Variants in LAMC2 observed in about 807,000 individuals in gnomAD.
LAMC2 encodes the protein laminin subunit gamma 2, also known as laminin subunit gamma-2.
LAMC2 carries 97 observed loss-of-function variants against 140.2 expected under a neutral mutation model. That is an observed-to-expected ratio of 0.69 (90% CI 0.59 to 0.82). The LOEUF is 0.82. Ranked by LOEUF, LAMC2 falls within the 40% of genes least tolerant of loss-of-function variation. LAMC2 has a pLI of 0.00. For synonymous variants in LAMC2, 513 were observed against 540.2 expected (o/e 0.95, Z 0.70); for missense variants, 1,402 against 1,476.1 (o/e 0.95, Z 0.82).
chr1:183,210,442 TGTA>T (rs1261939190), intron 2 of LAMC2, among the ~76,000 whole-genome samples: 3 of 152,198 alleles, frequency 2.0e-5, no homozygotes, highest in Admixed American at 6.5e-5. Flanking sequence ...TGTGAATTGA[TGTA>T]GTTGTTTTTC....
chr1:183,231,110 A>C lies in LAMC2; in HGVS notation c.1857+7A>C, dbSNP rs750982308. On this transcript the variant is annotated splice_region_variant and intron_variant, in intron 12 of 22. Transcript: ENST00000264144. Reference sequence around the variant, plus strand: ...TAATCAAGTGAAGATTCAGGTATGCATTCTTCCCCTTACCACCCCCAACCC... The same window carrying C: ...TAATCAAGTGAAGATTCAGGTATGCCTTCTTCCCCTTACCACCCCCAACCC... 12 of 1,614,016 alleles carry C rather than the reference A, an allele frequency of 7.4e-6. No homozygotes were observed. Among genetic ancestry groups the C allele is most frequent in the Non-Finnish European group, 1.0e-5 (12 of 1,180,030 alleles).
chr1:183,206,669 G>T (rs75627978), intron 1 of LAMC2, among the ~76,000 whole-genome samples: 3 of 120,068 alleles, frequency 2.5e-5, no homozygotes, highest in Non-Finnish European at 5.3e-5. Context: ...AAAAAAAAAA[G>T]ATGTACATTG....
intron 1 of LAMC2, among the ~76,000 whole-genome samples, chr1:183,186,929 G>A (rs1220158729): frequency 1.3e-5 from 2 of 152,104 alleles, no homozygotes; most frequent in African/African-American, 2.4e-5. Flanking sequence ...TTTGCATCAC[G>A]TTACTTTTCA....
chr1:183,199,103 T>C (rs939474702), intron 1 of LAMC2, among the ~76,000 whole-genome samples: 5 of 134,298 alleles, frequency 3.7e-5, no homozygotes, highest in African/African-American at 1.4e-4. Context: ...TTTTCTTTTT[T>C]TTTTTTTTTT....
intron 14 of LAMC2, among the ~76,000 whole-genome samples, 197 bp from the exon 15 acceptor site, chr1:183,234,170 A>G (rs1462801118): frequency 6.6e-6 from 1 of 152,228 alleles, no homozygotes; most frequent in Non-Finnish European, 1.5e-5. Context: ...TACAGGCATG[A>G]GCCACCACAC....
intron 5 of LAMC2, among the ~76,000 whole-genome samples, chr1:183,221,307 T>C (rs1659461446): frequency 6.6e-6 from 1 of 152,234 alleles, no homozygotes. Flanking sequence ...TCACGTTCAC[T>C]AATAATGCTG....
At chr1:183,252,557 A>C in the LAMC2 span, 6 of 974,960 alleles carry the variant, frequency 6.2e-6, no homozygotes, top group Non-Finnish European at 1.0e-5. Flanking sequence ...CAAGACGAGG[A>C]GATGGAGAAA....
chr1:183,211,633 C>T (rs1659072426), intron 2 of LAMC2, among the ~76,000 whole-genome samples: 1 of 152,122 alleles, frequency 6.6e-6, no homozygotes, highest in African/African-American at 2.4e-5. Context: ...GCCTCAGCCT[C>T]CTGAGTAGCT....
chr1:183,256,750 T>A, the LAMC2 span, among the ~76,000 whole-genome samples: 1 of 152,174 alleles, frequency 6.6e-6, no homozygotes, highest in South Asian at 2.1e-4. Flanking sequence ...AATATTGGCC[T>A]ACAGTTTTCT....
At chr1:183,212,468 C>G (rs57976149) in intron 2 of LAMC2, among the ~76,000 whole-genome samples, 2 of 152,120 alleles carry the variant, frequency 1.3e-5, no homozygotes, top group African/African-American at 4.8e-5. Flanking sequence ...CCTTAGACCT[C>G]TCCTCCCTGC....
At chr1:183,239,319 AT>A (rs1660056874) in intron 19 of LAMC2, 44 bp from the exon 20 acceptor site, 1 of 1,563,674 alleles carries the variant, frequency 6.4e-7, no homozygotes, top group Non-Finnish European at 8.8e-7. Flanking sequence ...TCATTTGTAA[AT>A]TTGCTTTCAT....
chr1:183,255,686 CAG>C, the LAMC2 span, among the ~76,000 whole-genome samples: 2 of 118,974 alleles, frequency 1.7e-5, no homozygotes, highest in Non-Finnish European at 3.3e-5. Context: ...TTTTTTCAGA[CAG>C]AGTCTCACTC....
chr1:183,207,702 G>A (rs1055865380), intron 1 of LAMC2, among the ~76,000 whole-genome samples, 179 bp from the exon 2 acceptor site: 2 of 152,082 alleles, frequency 1.3e-5, no homozygotes, highest in Non-Finnish European at 2.9e-5. Context: ...TGGAGCAGGC[G>A]TCCCCGGGGT....
chr1:183,232,875 T>TG lies in LAMC2; in HGVS notation c.2220+18_2220+19insG. On this transcript the variant is annotated intron_variant, in intron 14 of 22. Coordinates refer to ENST00000264144, the MANE Select transcript of LAMC2 (RefSeq NM_005562.3). ...GAAACACTGTAGGTTTTTGCTGGGC[T>TG]AGAGTATTGAGAATACTGCTGTGTT... 6.2e-7 allele frequency: 1 copy of TG among 1,612,838 alleles called. No homozygotes were observed. Among genetic ancestry groups the TG allele is most frequent in the Non-Finnish European group, 8.5e-7 (1 of 1,178,890 alleles).
At chr1:183,193,061 A>G (rs1239748652) in intron 1 of LAMC2, among the ~76,000 whole-genome samples, 2 of 152,248 alleles carry the variant, frequency 1.3e-5, no homozygotes, top group Non-Finnish European at 2.9e-5. Context: ...TACTGTTGAC[A>G]TACCACCTGT....
intron 1 of LAMC2, among the ~76,000 whole-genome samples, chr1:183,194,391 A>C (rs762815008): frequency 1.3e-5 from 2 of 152,234 alleles, no homozygotes; most frequent in Non-Finnish European, 2.9e-5. Flanking sequence ...GCCCACACAC[A>C]TACCTAAATG....
downstream of LAMC2, among the ~76,000 whole-genome samples, chr1:183,245,896 G>A (rs1660231679): frequency 6.6e-6 from 1 of 152,184 alleles, no homozygotes; most frequent in Non-Finnish European, 1.5e-5. Flanking sequence ...GAGGCTGGGC[G>A]CGGTGGCTCA....
chr1:183,229,311 C>A (rs564015348), intron 11 of LAMC2, among the ~76,000 whole-genome samples: 1 of 152,244 alleles, frequency 6.6e-6, no homozygotes, highest in African/African-American at 2.4e-5. Context: ...GCCCAGAACT[C>A]AGGAGTTTGT....
At chr1:183,234,095 C>T (rs766183890) in intron 14 of LAMC2, among the ~76,000 whole-genome samples, 25 of 152,176 alleles carry the variant, frequency 1.6e-4, no homozygotes, top group Non-Finnish European at 3.2e-4. Flanking sequence ...CCATGTTGGT[C>T]AGGCTGGTCT....
Sources: allele counts gnomAD v4.1 joint callset (sites outside exome capture counted in the v4.1 genomes callset), GRCh38; gene constraint gnomAD v4.1.1; transcripts MANE v1.5; gene names NCBI Gene and HGNC (gene_info 2026-07-23, HGNC 2026-07-21).